The following CRYAB variants were observed in gnomAD, a reference collection of about 807,000 sequenced individuals.
CRYAB encodes the protein alpha-crystallin B chain.
Under a neutral mutation model 12.7 loss-of-function variants are expected in CRYAB, and 9 were observed. The ratio of observed to expected loss-of-function variants is 0.71; its 90% confidence interval spans 0.43 to 1.24. CRYAB has a LOEUF of 1.24. Ranked by LOEUF, CRYAB falls within the 50% of genes most tolerant of loss-of-function variation. The probability of loss-of-function intolerance (pLI) is 0.00; values close to 1 mark genes in which losing one functional copy is unlikely to be tolerated. For synonymous variants in CRYAB, 93 were observed against 86.8 expected (o/e 1.07, Z -0.40); for missense variants, 183 against 226.6 (o/e 0.81, Z 1.24).
At chr11:111,912,249 C>A, upstream of CRYAB, 1 of 187,864 alleles carries the variant, frequency 5.3e-6, no homozygotes. Flanking sequence ...CAGTGATGGT[C>A]AACATGTCAG....
At chr11:111,917,681 ATT>A (rs782338964), upstream of CRYAB, among the ~76,000 whole-genome samples, 3 of 143,100 alleles carry the variant, frequency 2.1e-5, no homozygotes, top group African/African-American at 5.1e-5. Flanking sequence ...CTCTAAAAAG[ATT>A]TTTTTTTTTT....
At chr11:111,914,163 A>G, upstream of CRYAB, 1 of 426,438 alleles carries the variant, frequency 2.3e-6, no homozygotes, top group South Asian at 4.4e-5. Flanking sequence ...GGTCACAGCC[A>G]GCTAGACAAA....
chr11:111,920,693 G>T lies in CRYAB; in HGVS notation c.-199+3010C>A, dbSNP rs893907649. Among the ~76,000 whole-genome samples, 9 of 152,280 alleles carry T rather than the reference G, an allele frequency of 5.9e-5. No homozygotes were observed. In the South Asian group the frequency reaches 1.9e-3, roughly 32 times the overall value. ...GCAGGAGGATCACCTGAGCCCTGGG[G>T]GTAGAGGCTGCAGTGAACCATGATC... On this transcript the variant is annotated intron_variant, in intron 1 of 3. Transcript: ENST00000527950.
intron 1 of CRYAB, chr11:111,918,586 C>T (rs1965633086): frequency 1.7e-6 from 1 of 597,294 alleles, no homozygotes. Flanking sequence ...CTACATTAGG[C>T]ACTCATCTAT....
rs782145127 is a variant in CRYAB at position 111,908,840 on chromosome 11, T to C, written c.452A>G (p.Gln151Arg). 6.2e-7 allele frequency: 1 copy of C among 1,614,042 alleles called. No individual in the cohort carries two copies. The highest frequency in any genetic ancestry group is 8.5e-7 in the Non-Finnish European group (1 of 1,180,036). The change falls in exon 3 of 3, where the codon CAG becomes CGG. Residue 151 changes from glutamine to arginine, a missense_variant. Gln to Arg is a conservative substitution (Grantham distance 43). Coordinates refer to ENST00000650687, the MANE Select transcript of CRYAB (RefSeq NM_001289808.2). Reference sequence around the variant, plus strand: ...AATGGTGCGCTCAGGGCCAGAGACCTGTTTCCTTGGTCCATTCACAGTGAG... The same window carrying C: ...AATGGTGCGCTCAGGGCCAGAGACCCGTTTCCTTGGTCCATTCACAGTGAG... ...GVLTVNGPRK[Q>R]VSGPERTIPI...
intron 2 of CRYAB, 47 bp from the exon 3 acceptor site, chr11:111,909,014 C>T: frequency 1.3e-6 from 2 of 1,591,386 alleles, no homozygotes; most frequent in South Asian, 2.2e-5. Context: ...AGAACAGGAA[C>T]TATTATCACC....
chr11:111,923,431 C>A (rs1965732401), intron 1 of CRYAB, among the ~76,000 whole-genome samples: 1 of 152,190 alleles, frequency 6.6e-6, no homozygotes, highest in Non-Finnish European at 1.5e-5. Context: ...CTCAAATTAG[C>A]AAAGAAGGAA....
intron 1 of CRYAB, among the ~76,000 whole-genome samples, chr11:111,921,499 C>T (rs1385646944): frequency 2.0e-5 from 3 of 152,086 alleles, no homozygotes; most frequent in African/African-American, 4.8e-5. Context: ...TTCATTAACC[C>T]GTCTGTAAAA....
chr11:111,911,684 A>G lies in CRYAB; in HGVS notation c.41T>C (p.Phe14Ser), dbSNP rs1555165594. The G allele has an allele frequency of 6.2e-7, 1 of 1,603,886 alleles. No individual in the cohort carries two copies. The highest frequency in any genetic ancestry group is 8.5e-7 in the Non-Finnish European group (1 of 1,175,528). ...GCGGCTGGGGGAGTGGAAAGGAAAG[A>G]AGGGGCGGCGGATCCAGGGGTGGTG... ...AIHHPWIRRP[F>S]FPFHSPSRLF... Residue 14 changes from phenylalanine to serine, a missense_variant, in exon 1 of 3, where the codon TTC becomes TCC. Physicochemically the swap from Phe to Ser is radical, Grantham distance 155. Around this residue, in one of 3 missense-constraint regions of CRYAB, gnomAD observed 86 missense variants for 96.1 expected, o/e 0.89. Transcript: ENST00000650687.
At chr11:111,921,838 AT>A (rs34183951) in intron 1 of CRYAB, among the ~76,000 whole-genome samples, 41,896 of 147,952 alleles carry the variant, frequency 0.28, 7,147 homozygotes, top group East Asian at 0.58. Context: ...TATCATACTC[AT>A]TTTTTTTTTT....
chr11:111,909,912 C>A (rs1337196856), intron 2 of CRYAB: 6 of 523,294 alleles, frequency 1.1e-5, no homozygotes, highest in Non-Finnish European at 2.0e-5. Context: ...TTAAAAATTG[C>A]TGATGCCTGG....
At chr11:111,917,750 G>C (rs781895316), upstream of CRYAB, among the ~76,000 whole-genome samples, 6 of 151,974 alleles carry the variant, frequency 3.9e-5, no homozygotes, top group Admixed American at 6.6e-5. Context: ...AGAGGCTGAG[G>C]GGGGAGAATC....
intron 1 of CRYAB, among the ~76,000 whole-genome samples, chr11:111,920,194 C>G (rs975938393): frequency 1.3e-5 from 2 of 151,170 alleles, no homozygotes; most frequent in East Asian, 3.9e-4. Flanking sequence ...GACTCCGTCT[C>G]AAAAATAAAA....
At chr11:111,912,859 C>T (rs782424185), upstream of CRYAB, 1 of 1,608,072 alleles carries the variant, frequency 6.2e-7, no homozygotes. Flanking sequence ...CACATGCCCA[C>T]CCGGCCACCG....
chr11:111,918,662 C>G (rs1555166253), intron 1 of CRYAB: 3 of 680,554 alleles, frequency 4.4e-6, no homozygotes, highest in Non-Finnish European at 8.2e-6. Flanking sequence ...AAACCAAGAG[C>G]CCTTTTCTAT....
rs1555165546 is a variant in CRYAB at position 111,911,549 on chromosome 11, C to T, written c.176G>A (p.Ser59Asn). ...CTCTGAGAGTCCAGTGTCAAACCAG[C>T]TGGGTGCCCGCAGGAAGGAGGGTGG... ...LRPPSFLRAP[S>N]WFDTGLSEMR... The change falls in exon 1 of 3, where the codon AGC becomes AAC. Residue 59 changes from serine to asparagine, a missense_variant. By Grantham distance (46) the Ser-to-Asn change is conservative. Coordinates refer to ENST00000650687, the MANE Select transcript of CRYAB (RefSeq NM_001289808.2). 1 of 1,612,350 alleles carries T rather than the reference C, an allele frequency of 6.2e-7. No homozygotes were observed. Among genetic ancestry groups the T allele is most frequent in the East Asian group, 2.2e-5 (1 of 44,852 alleles).
intron 1 of CRYAB, chr11:111,918,813 A>G (rs1041594113): frequency 4.9e-5 from 37 of 756,070 alleles, no homozygotes; most frequent in Non-Finnish European, 8.0e-5. Flanking sequence ...TCACCTGGGA[A>G]TCATTCCAGC....
upstream of CRYAB, among the ~76,000 whole-genome samples, chr11:111,917,879 A>G (rs1156360003): frequency 6.6e-6 from 1 of 152,096 alleles, no homozygotes; most frequent in Non-Finnish European, 1.5e-5. Flanking sequence ...GCTTTGTAAT[A>G]ATAACAACAA....
chr11:111,910,659 A>G (rs1009909005), intron 1 of CRYAB: 10 of 638,080 alleles, frequency 1.6e-5, no homozygotes, highest in African/African-American at 1.5e-4. Context: ...ATCAGACCCA[A>G]ACTTTATTTA....
Sources: allele counts gnomAD v4.1 joint callset (sites outside exome capture counted in the v4.1 genomes callset), GRCh38; gene constraint gnomAD v4.1.1; regional missense constraint gnomAD v4.1.1; transcripts MANE v1.5; gene names NCBI Gene and HGNC (gene_info 2026-07-23, HGNC 2026-07-21).